Variants in ARL14EP observed in about 807,000 individuals in gnomAD.
ARL14EP encodes the protein ARL14 effector protein.
Under a neutral mutation model 23.1 loss-of-function variants are expected in ARL14EP, and 12 were observed. The observed-to-expected ratio is 0.52, with a 90% confidence interval of 0.33 to 0.84. ARL14EP has a LOEUF of 0.84. ARL14EP is among the 40% of genes least tolerant of loss of function. ARL14EP has a pLI of 0.02. For synonymous variants in ARL14EP, 97 were observed against 102.0 expected (o/e 0.95, Z 0.29); for missense variants, 253 against 307.3 (o/e 0.82, Z 1.32).
intron 1 of ARL14EP, chr11:30,330,383 T>G (rs796283653): frequency 1.3e-5 from 2 of 152,826 alleles, no homozygotes; most frequent in African/African-American, 4.8e-5. Context: ...AATTTACAGA[T>G]GTATTCCCAG....
At chr11:30,326,409 G>A (rs1487811168) in intron 1 of ARL14EP, among the ~76,000 whole-genome samples, 3 of 152,192 alleles carry the variant, frequency 2.0e-5, no homozygotes, top group African/African-American at 4.8e-5. Flanking sequence ...ATAAATCATC[G>A]TTATGGAAGA....
chr11:30,324,741 G>C (rs1479944172), intron 1 of ARL14EP, among the ~76,000 whole-genome samples: 1 of 152,168 alleles, frequency 6.6e-6, no homozygotes, highest in Non-Finnish European at 1.5e-5. Flanking sequence ...AGTAAAGCTG[G>C]ATAATTCCCT....
Position 30,337,293 on chromosome 11 carries a change from A to G in ARL14EP, c.*498A>G. The G allele has an allele frequency of 5.7e-6, 1 of 176,186 alleles. No individual in the cohort carries two copies. 10.9% of individuals were successfully genotyped at this position (176,186 alleles called of 1,614,324 possible). A position where few individuals can be genotyped will look rare whatever the true frequency, so the allele number is the denominator to read the frequency against. ...TGACCAGTCATGTTATTTCTTTCAA[A>G]TTCTTCCAGTGGTTTGTCCCTGTGC... On this transcript the variant is annotated 3_prime_UTR_variant, in exon 4 of 4. Coordinates refer to ENST00000282032, the MANE Select transcript of ARL14EP (RefSeq NM_152316.3).
chr11:30,329,633 A>G (rs1007331767), intron 1 of ARL14EP: 1 of 152,128 alleles, frequency 6.6e-6, no homozygotes, highest in Non-Finnish European at 1.5e-5. Context: ...ATTTCAAGCA[A>G]ATGTTTAATA....
At chr11:30,325,605 T>C (rs1165358956) in intron 1 of ARL14EP, among the ~76,000 whole-genome samples, 2 of 152,226 alleles carry the variant, frequency 1.3e-5, no homozygotes, top group African/African-American at 4.8e-5. Context: ...CTTGTTATCC[T>C]ATAAGAAGCT....
intron 1 of ARL14EP, among the ~76,000 whole-genome samples, chr11:30,326,450 A>C (rs1398294942): frequency 6.6e-6 from 1 of 152,230 alleles, no homozygotes; most frequent in Non-Finnish European, 1.5e-5. Context: ...TGAAAGGAAC[A>C]ATATGAACTT....
In ARL14EP at chr11:30,336,752, A is replaced by C; in HGVS notation, c.740A>C (p.Glu247Ala). The change falls in exon 4 of 4, where the codon GAA (glutamate) becomes GCA (alanine). Residue 247 changes from glutamate to alanine, a missense_variant. Coordinates refer to ENST00000282032, the MANE Select transcript of ARL14EP (RefSeq NM_152316.3). Reference protein sequence around the residue: ...CDRKWLYEQIEIEGGEIIHNK... With the variant: ...CDRKWLYEQIAIEGGEIIHNK... ...CGCAAGTGGCTGTATGAGCAAATTG[A>C]AATTGAAGGAGGAGAAATAATTCAT... 2 of 1,614,154 alleles carry C rather than the reference A, an allele frequency of 1.2e-6. No homozygotes were observed. Among genetic ancestry groups the C allele is most frequent in the Non-Finnish European group, 1.7e-6 (2 of 1,180,030 alleles).
Position 30,331,963 on chromosome 11 carries a change from AT to A in ARL14EP, c.426+590del, listed in dbSNP as rs955991307. 2.1e-4 allele frequency among the ~76,000 whole-genome samples: 32 copies of A among 152,080 alleles called. 1 individual carries two copies. The highest frequency in any genetic ancestry group is 5.8e-4 in the African/African-American group (24 of 41,414). ...TAGGACTCCTTGAGGTAAAAAAAAA[AT>A]AATACATTTTTACATTGTAAAGTAT... is the stretch of plus-strand genomic sequence containing the variant. On this transcript the variant is annotated intron_variant, in intron 2 of 3. Coordinates refer to ENST00000282032, the MANE Select transcript of ARL14EP (RefSeq NM_152316.3).
chr11:30,325,444 T>G (rs1334951608), intron 1 of ARL14EP, among the ~76,000 whole-genome samples: 2 of 152,150 alleles, frequency 1.3e-5, no homozygotes, highest in African/African-American at 4.8e-5. Flanking sequence ...TTTTTTAAAT[T>G]ATAGCTAATA....
At chr11:30,334,729 A>G (rs1486143981) in intron 3 of ARL14EP, among the ~76,000 whole-genome samples, 1 of 152,216 alleles carries the variant, frequency 6.6e-6, no homozygotes, top group African/African-American at 2.4e-5. Context: ...AAATGGGACA[A>G]AGCCTGAATG....
At chr11:30,334,174 A>G (rs1947311120) in intron 3 of ARL14EP, among the ~76,000 whole-genome samples, 1 of 148,382 alleles carries the variant, frequency 6.7e-6, no homozygotes, top group South Asian at 2.1e-4. Context: ...AGGTAGCTAC[A>G]CTACCCAACA....
chr11:30,334,141 G>A (rs1947310601), intron 3 of ARL14EP, among the ~76,000 whole-genome samples: 1 of 151,354 alleles, frequency 6.6e-6, no homozygotes, highest in East Asian at 1.9e-4. Context: ...AAAGTGCAAG[G>A]TGAAGCAGCA....
At chr11:30,326,973 A>C (rs1451106316) in intron 1 of ARL14EP, among the ~76,000 whole-genome samples, 2 of 152,230 alleles carry the variant, frequency 1.3e-5, no homozygotes, top group African/African-American at 2.4e-5. Flanking sequence ...CCTGTAAAGA[A>C]GTAATTCGTT....
intron 3 of ARL14EP, 119 bp downstream of exon 3, chr11:30,333,112 T>C (rs186043737): frequency 3.3e-5 from 45 of 1,354,872 alleles, no homozygotes; most frequent in Non-Finnish European, 4.3e-5. Flanking sequence ...TAATGTAGAA[T>C]TAGTAAAAAC....
intron 3 of ARL14EP, among the ~76,000 whole-genome samples, chr11:30,334,808 T>A (rs2133654000): frequency 6.6e-6 from 1 of 152,332 alleles, no homozygotes; most frequent in South Asian, 2.1e-4. Flanking sequence ...CCTGCCTAGA[T>A]AAAAGGATTC....
In ARL14EP at chr11:30,331,035, G is replaced by C; in HGVS notation, c.87G>C (p.Lys29Asn). The C allele has an allele frequency of 6.2e-7, 1 of 1,613,870 alleles. No individual in the cohort carries two copies. The highest frequency in any genetic ancestry group is 8.5e-7 in the Non-Finnish European group (1 of 1,179,818). ...ACTATACTCGTCACACAGGTTTTAA[G>C]ACTTTGCAAGAATTGTCATCAAATG... is the stretch of plus-strand genomic sequence containing the variant. ...KTYYTRHTGF[K>N]TLQELSSNDM... is the part of the protein sequence containing the mutation. Residue 29 changes from lysine (K) to asparagine (N), a missense_variant, in exon 2 of 4, where the codon AAG (lysine) becomes AAC (asparagine). Transcript: ENST00000282032.
At chr11:30,331,913 T>C in intron 2 of ARL14EP, 1 of 612,160 alleles carries the variant, frequency 1.6e-6, no homozygotes, top group South Asian at 7.2e-5. Context: ...TCTGAATTCC[T>C]ACTTGATATG....
chr11:30,327,292 A>C (rs1279784092), intron 1 of ARL14EP, among the ~76,000 whole-genome samples: 1 of 152,324 alleles, frequency 6.6e-6, no homozygotes, highest in East Asian at 1.9e-4. Flanking sequence ...TAATTTAGCC[A>C]TGAATAAAGG....
At chr11:30,328,147 AT>A (rs1565007970) in intron 1 of ARL14EP, 5 of 149,680 alleles carry the variant, frequency 3.3e-5, no homozygotes, top group East Asian at 4.0e-4. Flanking sequence ...AATTTTTTTT[AT>A]TTTTTTATTT....
Sources: allele counts gnomAD v4.1 joint callset (sites outside exome capture counted in the v4.1 genomes callset), GRCh38; gene constraint gnomAD v4.1.1; transcripts MANE v1.5; gene names NCBI Gene and HGNC (gene_info 2026-07-23, HGNC 2026-07-21).